DDX23: variants seen among roughly 807,000 people sequenced by gnomAD.
The protein encoded by DDX23 is DEAD-box helicase 23, also known as probable ATP-dependent RNA helicase DDX23.
A neutral mutation model predicts 102.7 loss-of-function variants in DDX23; 33 were observed. The observed-to-expected ratio is 0.32, with a 90% CI of 0.24 to 0.43. The LOEUF is 0.43. Among genes scored for constraint, DDX23 ranks in the 20% least tolerant of loss-of-function variants. The pLI, the probability that DDX23 is intolerant of heterozygous loss-of-function variation, is 1.00. For missense variants in DDX23, 549 were observed against 1,086.6 expected, an observed-to-expected ratio of 0.51 and a Z score of 6.96; for synonymous variants, 352 against 376.0, an observed-to-expected ratio of 0.94 and a Z score of 0.74.
Position 48,830,464 on chromosome 12 carries a change from C to G in DDX23, c.*5G>C, listed in dbSNP as rs555277488. The G allele has an allele frequency of 2.8e-5, 45 of 1,613,958 alleles. No individual in the cohort carries two copies. The highest frequency in any genetic ancestry group is 2.3e-4 in the Admixed American group (14 of 60,002). On this transcript the variant is annotated 3_prime_UTR_variant, in exon 17 of 17. Coordinates refer to ENST00000308025, the MANE Select transcript of DDX23 (RefSeq NM_004818.3). The surrounding 1 kb of genome is among the most constrained non-coding windows in gnomAD (Gnocchi z 4.9). The stretch of plus-strand genomic sequence containing the variant: ...ATGCCCTCAGCCCACAGGAAGAGTG[C>G]TGTGTCAGGCAAAGATGGTCTCTTC...
intron 3 of DDX23, among the ~76,000 whole-genome samples, chr12:48,841,651 C>T (rs1230911112): frequency 6.6e-6 from 1 of 152,310 alleles, no homozygotes; most frequent in Non-Finnish European, 1.5e-5. Context: ...TTGGTGGAGA[C>T]GGGGTTTCGC....
chr12:48,848,045 G>C (rs1185072437), intron 1 of DDX23, among the ~76,000 whole-genome samples: 2 of 152,328 alleles, frequency 1.3e-5, no homozygotes, highest in Admixed American at 1.3e-4. Context: ...CAGCACTTTG[G>C]GAGGCTGAGG....
chr12:48,830,634 G>A lies in DDX23; in HGVS notation c.2298C>T (p.Thr766=), dbSNP rs763805834. The A allele has an allele frequency of 8.7e-6, 14 of 1,614,022 alleles. No individual in the cohort carries two copies. Among genetic ancestry groups the A allele is most frequent in the African/African-American group, 2.7e-5 (2 of 74,918 alleles). The change falls in exon 17 of 17, where the codon ACC becomes ACT. Residue 766 remains threonine (T), a synonymous_variant. Coordinates refer to ENST00000308025, the MANE Select transcript of DDX23 (RefSeq NM_004818.3). The surrounding 1 kb of genome is among the most constrained non-coding windows in gnomAD (Gnocchi z 4.9). The part of the protein sequence containing the change: ...GRAGKSGVAI[T]FLTKEDSAVF... ...CAGCAGAGTCCTCTTTTGTGAGGAAGGTGATGGCCACCCCACTCTTGCCTG... is the reference window on the plus strand; with the variant it reads ...CAGCAGAGTCCTCTTTTGTGAGGAAAGTGATGGCCACCCCACTCTTGCCTG...
At chr12:48,834,636 A>C in intron 11 of DDX23, 139 bp from the exon 12 acceptor site, 1 of 829,758 alleles carries the variant, frequency 1.2e-6, no homozygotes. Flanking sequence ...GATCTCACTT[A>C]AAAATCAGAG....
At chr12:48,835,998 C>T in intron 11 of DDX23, 123 bp downstream of exon 11, 2 of 1,150,824 alleles carry the variant, frequency 1.7e-6, no homozygotes, top group Non-Finnish European at 2.5e-6. Flanking sequence ...TCCCTAATAT[C>T]CAACAAAGAA....
rs1201295446 is a variant in DDX23 at position 48,842,552 on chromosome 12, G to C, written c.320+1388C>G. ...GCCCCGTCCGGGAGGGAGGTGGGGG[G>C]GTCAGCCCCCCGCCCGGCCAGCCGC... On this transcript the variant is annotated intron_variant, in intron 3 of 16. Transcript: ENST00000308025. Among the ~76,000 whole-genome samples the C allele has an allele frequency of 8.3e-5, 12 of 144,756 alleles. No homozygotes were observed. The East Asian group carries it at 1.9e-3, about 23-fold the overall frequency. 95.0% of individuals were successfully genotyped at this position (144,756 alleles called of 152,430 possible). A position where few individuals can be genotyped will look rare whatever the true frequency, so the allele number is the denominator to read the frequency against.
Position 48,832,985 on chromosome 12 carries a change from TTTTC to T in DDX23, c.1803+288_1803+291del, listed in dbSNP as rs1938413998. On this transcript the variant is annotated intron_variant, in intron 13 of 16. Transcript: ENST00000308025. The surrounding 1 kb of genome is among the most constrained non-coding windows in gnomAD (Gnocchi z 4.4). ...AAGGAGGTTGGCAACCTTGTACAAC[TTTTC>T]TTTTTTTTTGAGACAGGGCCTCACT... 2.1e-6 allele frequency: 1 copy of T among 472,262 alleles called. No homozygotes were observed. Among genetic ancestry groups the T allele is most frequent in the East Asian group, 4.2e-5 (1 of 23,708 alleles). 29.3% of individuals were successfully genotyped at this position (472,262 alleles called of 1,614,324 possible). A position where few individuals can be genotyped will look rare whatever the true frequency, so the allele number is the denominator to read the frequency against.
chr12:48,839,674 T>C (rs1938518851), intron 5 of DDX23, 170 bp downstream of exon 5: 2 of 636,574 alleles, frequency 3.1e-6, no homozygotes, highest in Non-Finnish European at 5.4e-6. Context: ...AAGACAGCCT[T>C]ATAAGCCAAG....
Position 48,836,464 on chromosome 12 carries a change from G to T in DDX23, c.1236+105C>A. On this transcript the variant is annotated intron_variant, in intron 10 of 16. Coordinates refer to ENST00000308025, the MANE Select transcript of DDX23 (RefSeq NM_004818.3). This position sits in a 1 kb window ranked among gnomAD's most constrained non-coding sequence, Gnocchi z 6.1. ...AAGTGACAGAAAAGGTCACATTGGT[G>T]CCCACTAGCAGCGATGGCTCCAAAT... 1.6e-6 allele frequency: 2 copies of T among 1,288,262 alleles called. No individual in the cohort carries two copies. The highest frequency in any genetic ancestry group is 1.4e-5 in the South Asian group (1 of 73,544). 79.8% of individuals were successfully genotyped at this position (1,288,262 alleles called of 1,614,324 possible). A position where few individuals can be genotyped will look rare whatever the true frequency, so the allele number is the denominator to read the frequency against.
rs756597836 is a variant in DDX23 at position 48,844,014 on chromosome 12, C to A, written c.246G>T (p.Glu82Asp). The A allele has an allele frequency of 1.1e-5, 18 of 1,614,144 alleles. No homozygotes were observed. Among genetic ancestry groups the A allele is most frequent in the Non-Finnish European group, 1.5e-5 (18 of 1,180,020 alleles). The stretch of plus-strand genomic sequence containing the variant: ...CTCGGTCCTTCTTATTCCGATCCCG[C>A]TCCTTATCTCGTTCTCGTTCTTTGT... Reference protein sequence around the residue: ...RRHKERERDKERDRNKKDRDR... With the variant: ...RRHKERERDKDRDRNKKDRDR... Residue 82 changes from glutamate (E) to aspartate (D), a missense_variant, in exon 3 of 17, where the codon GAG becomes GAT. Physicochemically the swap from Glu to Asp is conservative, Grantham distance 45 (BLOSUM62 2). Transcript: ENST00000308025.
At chr12:48,837,222 T>C (rs1039674974) in intron 8 of DDX23, 59 bp downstream of exon 8, 14 of 1,581,396 alleles carry the variant, frequency 8.9e-6, no homozygotes, top group Non-Finnish European at 1.1e-5. Flanking sequence ...TCCGTAGTCA[T>C]CAGCTCTCTA....
rs2137480642 is a variant in DDX23 at position 48,832,216 on chromosome 12, A to AT, written c.1956-31dup. On this transcript the variant is annotated intron_variant, in intron 14 of 16. Transcript: ENST00000308025. This position sits in a 1 kb window ranked among gnomAD's most constrained non-coding sequence, Gnocchi z 4.4. ...AAGGAAGAGGAGAAAAACAAGATGC[A>AT]TAATACCTCCCACTCCAAGTGAAAT... The AT allele has an allele frequency of 6.2e-7, 1 of 1,609,722 alleles. No individual in the cohort carries two copies. The highest frequency in any genetic ancestry group is 2.2e-5 in the East Asian group (1 of 44,864).
rs1352673120 is a variant in DDX23 at position 48,830,180 on chromosome 12, A to G, written c.*289T>C. ...GGAGCAATGCCAACTGGCTGCCCCC[A>G]TAGCCTGGCATGAGCTGATGGCCCA... On this transcript the variant is annotated 3_prime_UTR_variant, in exon 17 of 17. Transcript: ENST00000308025. The surrounding 1 kb of genome is among the most constrained non-coding windows in gnomAD (Gnocchi z 4.9). The G allele has an allele frequency of 1.8e-6, 1 of 563,002 alleles. No individual in the cohort carries two copies. The highest frequency in any genetic ancestry group is 3.4e-6 in the Non-Finnish European group (1 of 296,010). The allele number at this position is 563,002 out of a possible 1,614,324, so 34.9% of individuals were successfully genotyped here.
Position 48,832,599 on chromosome 12 carries a change from G to A in DDX23, c.1804-26C>T. ...CTACGAAAACAGGAGGCTCAGCCCT[G>A]CACCCAGGCAGGAATAATCATATAT... is the stretch of plus-strand genomic sequence containing the variant. On this transcript the variant is annotated intron_variant, in intron 13 of 16. Transcript: ENST00000308025. This position sits in a 1 kb window ranked among gnomAD's most constrained non-coding sequence, Gnocchi z 4.4. 1 of 1,609,692 alleles carries A rather than the reference G, an allele frequency of 6.2e-7. No individual in the cohort carries two copies. Among genetic ancestry groups the A allele is most frequent in the Non-Finnish European group, 8.5e-7 (1 of 1,176,602 alleles).
At chr12:48,837,110 G>C (rs113544050) in intron 8 of DDX23, 73 bp from the exon 9 acceptor site, 4 of 1,592,338 alleles carry the variant, frequency 2.5e-6, no homozygotes, top group Non-Finnish European at 3.4e-6. Flanking sequence ...CAGACTACTA[G>C]TATGAAACAG....
Position 48,836,332 on chromosome 12 carries a change from A to G in DDX23, c.1237-66T>C. On this transcript the variant is annotated intron_variant, in intron 10 of 16. Transcript: ENST00000308025. The surrounding 1 kb of genome is among the most constrained non-coding windows in gnomAD (Gnocchi z 6.1). Reference sequence around the variant, plus strand: ...TTATACCACCTGGGCAACCACTGATAGTAGTAAGCACATCTGCTAGCACAA... The same window carrying G: ...TTATACCACCTGGGCAACCACTGATGGTAGTAAGCACATCTGCTAGCACAA... 1.3e-6 allele frequency: 2 copies of G among 1,557,634 alleles called. No homozygotes were observed. Among genetic ancestry groups the G allele is most frequent in the Non-Finnish European group, 1.8e-6 (2 of 1,131,630 alleles).
At chr12:48,842,821 A>C (rs1414559505) in intron 3 of DDX23, among the ~76,000 whole-genome samples, 1 of 152,202 alleles carries the variant, frequency 6.6e-6, no homozygotes, top group African/African-American at 2.4e-5. Context: ...TTGAGAACGG[A>C]CCATGATGAC....
chr12:48,842,448 TA>T lies in DDX23; in HGVS notation c.320+1491del, dbSNP rs1394872003. Among the ~76,000 whole-genome samples, 4 of 69,734 alleles carry T rather than the reference TA, an allele frequency of 5.7e-5. 1 individual carries two copies. Among genetic ancestry groups the T allele is most frequent in the East Asian group, 4.5e-4 (1 of 2,210 alleles). The allele number at this position is 69,734 out of a possible 152,430, so 45.7% of individuals were successfully genotyped here. A position where few individuals can be genotyped will look rare whatever the true frequency, so the allele number is the denominator to read the frequency against. On this transcript the variant is annotated intron_variant, in intron 3 of 16. Coordinates refer to ENST00000308025, the MANE Select transcript of DDX23 (RefSeq NM_004818.3). Reference sequence around the variant, plus strand: ...CCAGCCGCCCCATCCGGGAGGGAGGTAGGGGGGTCAGCCCCCCGCCCGGCCA... The same window carrying T: ...CCAGCCGCCCCATCCGGGAGGGAGGTGGGGGGTCAGCCCCCCGCCCGGCCA...
In DDX23 at chr12:48,836,835, C is replaced by T. The variant is rs989606111; in HGVS notation, c.1011-41G>A. 1 of 1,613,122 alleles carries T rather than the reference C, an allele frequency of 6.2e-7. No individual in the cohort carries two copies. Among genetic ancestry groups the T allele is most frequent in the Non-Finnish European group, 8.5e-7 (1 of 1,179,256 alleles). On this transcript the variant is annotated intron_variant, in intron 9 of 16. Transcript: ENST00000308025. This position sits in a 1 kb window ranked among gnomAD's most constrained non-coding sequence, Gnocchi z 6.1. ...AGGAGTAAGTAGAATCAGTGCCCTC[C>T]AACTCCTTTCTGTAGAGCCTCTGGG...
Sources: allele counts gnomAD v4.1 joint callset (sites outside exome capture counted in the v4.1 genomes callset), GRCh38; gene constraint gnomAD v4.1.1; non-coding constraint Gnocchi (gnomAD v3.1); transcripts MANE v1.5; gene names NCBI Gene and HGNC (gene_info 2026-07-23, HGNC 2026-07-21).